The following ZNF804B variants were observed in gnomAD, a reference collection of about 807,000 sequenced individuals.
ZNF804B encodes zinc finger protein 804B.
A neutral mutation model predicts 101.4 loss-of-function variants in ZNF804B; 80 were observed. The ratio of observed to expected loss-of-function variants is 0.79; its 90% CI spans 0.66 to 0.95. ZNF804B has a LOEUF of 0.95. Among genes scored for constraint, ZNF804B ranks in the 40% least tolerant of loss-of-function variants. The pLI is 0.00. For missense variants in ZNF804B, 1,673 were observed against 1,561.9 expected (o/e 1.07, Z -1.20); for synonymous variants, 622 against 558.8 (o/e 1.11, Z -1.59).
intron 2 of ZNF804B, among the ~76,000 whole-genome samples, chr7:89,263,322 A>G (rs528100859): frequency 6.6e-6 from 1 of 151,530 alleles, no homozygotes; most frequent in African/African-American, 2.4e-5. Context: ...CAGACCAGTT[A>G]ATGTTTTATT....
intron 1 of ZNF804B, among the ~76,000 whole-genome samples, chr7:89,019,443 T>C (rs186714682): frequency 2.6e-5 from 4 of 152,194 alleles, no homozygotes; most frequent in Admixed American, 6.5e-5. Flanking sequence ...ATGAAAATAA[T>C]GTTTTCTGCA....
At chr7:88,950,443 C>T (rs1201060060) in intron 1 of ZNF804B, among the ~76,000 whole-genome samples, 3 of 150,954 alleles carry the variant, frequency 2.0e-5, no homozygotes, top group African/African-American at 4.9e-5. Context: ...CTCATTCTTG[C>T]ATTGAGAGAT....
At chr7:89,148,332 C>T (rs1324562095) in intron 1 of ZNF804B, among the ~76,000 whole-genome samples, 2 of 151,982 alleles carry the variant, frequency 1.3e-5, no homozygotes, top group Non-Finnish European at 2.9e-5. Context: ...ATATTAGTTA[C>T]TAGTGAAAGT....
intron 2 of ZNF804B, among the ~76,000 whole-genome samples, chr7:89,219,592 A>C (rs1337609306): frequency 6.6e-6 from 1 of 151,558 alleles, no homozygotes; most frequent in Non-Finnish European, 1.5e-5. Context: ...ATCCTTGCTG[A>C]TTGAGGTATG....
At chr7:88,822,219 C>G (rs2115762011) in intron 1 of ZNF804B, among the ~76,000 whole-genome samples, 1 of 152,166 alleles carries the variant, frequency 6.6e-6, no homozygotes, top group African/African-American at 2.4e-5. Context: ...TCTGAAATAG[C>G]CTTGGTTGTA....
chr7:89,125,307 A>T (rs1790462344), intron 1 of ZNF804B, among the ~76,000 whole-genome samples: 1 of 151,586 alleles, frequency 6.6e-6, no homozygotes, highest in African/African-American at 2.4e-5. Flanking sequence ...CTCTATCATG[A>T]AGATATAGAT....
rs1409594008 is a variant in ZNF804B at position 89,247,412 on chromosome 7, A to G, written c.249+29117A>G. 2.0e-5 allele frequency among the ~76,000 whole-genome samples: 3 copies of G among 152,240 alleles called. No homozygotes were observed. The South Asian group carries it at 6.2e-4, about 32-fold the overall frequency. On this transcript the variant is annotated intron_variant, in intron 2 of 3. Coordinates refer to ENST00000333190, the MANE Select transcript of ZNF804B (RefSeq NM_181646.5). ...TTGGTCGCAGCTAGCTCTTAACTAT[A>G]AGCACCATCTACTGGCTGGTAGGTC... is the stretch of plus-strand genomic sequence containing the variant.
intron 1 of ZNF804B, among the ~76,000 whole-genome samples, chr7:89,164,256 A>G (rs1562902267): frequency 6.6e-6 from 1 of 152,108 alleles, no homozygotes; most frequent in Non-Finnish European, 1.5e-5. Flanking sequence ...AAGTGTCACA[A>G]GATGTCCTAT....
At chr7:89,025,485 T>C (rs953116929) in intron 1 of ZNF804B, among the ~76,000 whole-genome samples, 5 of 152,098 alleles carry the variant, frequency 3.3e-5, no homozygotes, top group African/African-American at 1.2e-4. Context: ...CAAAAGCAAT[T>C]ATGCACGTTT....
intron 2 of ZNF804B, among the ~76,000 whole-genome samples, chr7:89,320,161 A>G (rs561310315): frequency 3.3e-5 from 5 of 152,242 alleles, no homozygotes; most frequent in African/African-American, 9.6e-5. Flanking sequence ...ACAAAACTAC[A>G]CATTCTGCAC....
chr7:89,327,181 G>A (rs1790908676), intron 2 of ZNF804B, among the ~76,000 whole-genome samples, 163 bp from the exon 3 acceptor site: 1 of 150,136 alleles, frequency 6.7e-6, no homozygotes, highest in South Asian at 2.1e-4. Flanking sequence ...TCTGCTAAAT[G>A]TGTCTTGGAG....
At chr7:89,036,924 T>C (rs1788938629) in intron 1 of ZNF804B, among the ~76,000 whole-genome samples, 1 of 152,148 alleles carries the variant, frequency 6.6e-6, no homozygotes. Flanking sequence ...GTTGTGAAGA[T>C]GTGGAAATCA....
intron 1 of ZNF804B, among the ~76,000 whole-genome samples, chr7:89,076,186 A>C (rs564169545): frequency 6.6e-6 from 1 of 152,174 alleles, no homozygotes; most frequent in African/African-American, 2.4e-5. Context: ...ATGTGAAGAC[A>C]TGGGATTTGG....
intron 1 of ZNF804B, among the ~76,000 whole-genome samples, chr7:88,787,983 A>T (rs1790327182): frequency 6.6e-6 from 1 of 152,158 alleles, no homozygotes; most frequent in Admixed American, 6.6e-5. Flanking sequence ...TCATAAAAAG[A>T]AAGAAAGGAA....
intron 2 of ZNF804B, among the ~76,000 whole-genome samples, chr7:89,315,935 A>G (rs1790720141): frequency 6.6e-6 from 1 of 152,194 alleles, no homozygotes; most frequent in East Asian, 1.9e-4. Context: ...AGAACTGGCT[A>G]ACTCATATTT....
chr7:88,913,839 C>G (rs1584013364), intron 1 of ZNF804B, among the ~76,000 whole-genome samples: 1 of 152,178 alleles, frequency 6.6e-6, no homozygotes, highest in Non-Finnish European at 1.5e-5. Context: ...AAAAGATAAC[C>G]TGTTTTCCAA....
intron 1 of ZNF804B, among the ~76,000 whole-genome samples, chr7:88,891,547 G>A (rs753606027): frequency 1.3e-5 from 2 of 150,948 alleles, no homozygotes; most frequent in East Asian, 1.9e-4. Context: ...CCTTTACCTC[G>A]TTTGAATTAT....
Position 88,808,404 on chromosome 7 carries a change from A to G in ZNF804B, c.108+48320A>G, listed in dbSNP as rs1365908516. Among the ~76,000 whole-genome samples, 4 of 151,670 alleles carry G rather than the reference A, an allele frequency of 2.6e-5. No individual in the cohort carries two copies. The East Asian group carries it at 7.7e-4, about 29-fold the overall frequency. On this transcript the variant is annotated intron_variant, in intron 1 of 3. Coordinates refer to ENST00000333190, the MANE Select transcript of ZNF804B (RefSeq NM_181646.5). Reference sequence around the variant, plus strand: ...TCTCAAAAAAAAAAAAAAAAAGTAAACCAGGAAAGTAGTCTGGATTTTTTT... The same window carrying G: ...TCTCAAAAAAAAAAAAAAAAAGTAAGCCAGGAAAGTAGTCTGGATTTTTTT...
rs1418511202 is a variant in ZNF804B at position 89,118,228 on chromosome 7, ATAAC to A, written c.109-99923_109-99920del. Among the ~76,000 whole-genome samples the A allele has an allele frequency of 3.9e-5, 6 of 152,288 alleles. No individual in the cohort carries two copies. In the East Asian group the frequency reaches 1.2e-3, roughly 29 times the overall value. On this transcript the variant is annotated intron_variant, in intron 1 of 3. Coordinates refer to ENST00000333190, the MANE Select transcript of ZNF804B (RefSeq NM_181646.5). ...TTCATATTCCCATTTTAAAGTTAAA[ATAAC>A]TAAGTCTCAGAGTAGTTAAATATCG...
Sources: gnomAD v4.1 joint callset for allele counts (sites outside exome capture counted in the v4.1 genomes callset) on GRCh38, gnomAD v4.1.1 for gene constraint, MANE v1.5 for transcripts, NCBI Gene and HGNC (gene_info 2026-07-23, HGNC 2026-07-21) for gene names.